Variants in KIR3DL1 observed in about 807,000 individuals in gnomAD.
KIR3DL1 encodes killer cell immunoglobulin like receptor, three Ig domains and long cytoplasmic tail 1, also known as killer cell immunoglobulin-like receptor 3DL1.
Under a neutral mutation model 40.3 loss-of-function variants are expected in KIR3DL1, and 50 were observed. The ratio of observed to expected loss-of-function variants is 1.24; its 90% CI spans 0.99 to 1.57. The LOEUF is 1.57. Ranked by LOEUF, KIR3DL1 falls within the 40% of genes most tolerant of loss-of-function variation. The pLI, the probability that KIR3DL1 is intolerant of heterozygous loss-of-function variation, is 0.00. For missense variants in KIR3DL1, 661 were observed against 559.9 expected (o/e 1.18, Z -1.82); for synonymous variants, 257 against 207.2 (o/e 1.24, Z -2.07).
At chr19:54,828,617 G>A (rs1358570724) in intron 6 of KIR3DL1, among the ~76,000 whole-genome samples, 1 of 150,630 alleles carries the variant, frequency 6.6e-6, no homozygotes, top group Non-Finnish European at 1.5e-5. Context: ...GTACCCTGGA[G>A]CCACAGGAAG....
rs946039220 is a variant in KIR3DL1, at chr19:54,822,259, T to C, written c.949+401T>C. On this transcript the variant is annotated intron_variant, in intron 5 of 8. Coordinates refer to ENST00000391728, the Ensembl canonical transcript of KIR3DL1. ...CCTTTTCTTTTCATTTTCAAAAATA[T>C]TTATTGAGGTTAAATGTAACTATAT... is the stretch of plus-strand genomic sequence containing the variant. 2.4e-4 allele frequency among the ~76,000 whole-genome samples: 36 copies of C among 151,346 alleles called. 1 individual carries two copies. The highest frequency in any genetic ancestry group is 7.6e-4 in the African/African-American group (31 of 41,008).
Position 54,821,821 on chromosome 19 carries a change from G to A in KIR3DL1, c.912G>A (p.Trp304Ter). The change falls in exon 5 of 9, where the codon TGG (tryptophan) becomes TGA (stop). Residue 304 changes from tryptophan (W) to a stop codon, truncating the protein, a stop_gained. Transcript: ENST00000391728. LOFTEE classifies it high-confidence loss of function. ...CTTTCCGTCACTCTCCCTACGAGTG[G>A]TCAGACCCGAGTGACCCACTGCTTG... 1 of 1,603,404 alleles carries A rather than the reference G, an allele frequency of 6.2e-7. No individual in the cohort carries two copies. Among genetic ancestry groups the A allele is most frequent in the Non-Finnish European group, 8.5e-7 (1 of 1,173,762 alleles).
intron 5 of KIR3DL1, among the ~76,000 whole-genome samples, chr19:54,824,556 A>G (rs1239315785): frequency 6.6e-6 from 1 of 151,322 alleles, no homozygotes; most frequent in African/African-American, 2.4e-5. Context: ...CAGTGCCTGT[A>G]ATACCACTAC....
chr19:54,818,378 T>A, exon 3 of KIR3DL1: 1 of 1,606,950 alleles, frequency 6.2e-7, no homozygotes, highest in Non-Finnish European at 8.5e-7. Flanking sequence ...GGAGGACACG[T>A]GACTCTTCGG....
At chr19:54,826,415 A>G (rs1214943489) in intron 6 of KIR3DL1, among the ~76,000 whole-genome samples, 13 of 148,192 alleles carry the variant, frequency 8.8e-5, no homozygotes, top group African/African-American at 2.8e-4. Context: ...CCTGGATCCA[A>G]GTGATTCTCC....
rs1353759071 is a variant in KIR3DL1 at position 54,816,540 on chromosome 19, T to A, written c.34+6T>A. On this transcript the variant is annotated splice_donor_region_variant and intron_variant, in intron 1 of 8. Transcript: ENST00000391728. ...CGTCAGCATGGCGTGTGTTGGTGAG[T>A]CCTGGAAGGGAATCGAGGGAGGGAG... The A allele has an allele frequency of 1.9e-6, 3 of 1,608,014 alleles. No homozygotes were observed. The highest frequency in any genetic ancestry group is 2.8e-5 in the African/African-American group (2 of 72,266).
rs1411083323 is a variant in KIR3DL1, at chr19:54,829,331, G to A, written c.1001-30G>A. ...TCATATAGAGAAACTGCTATGATTA[G>A]CTTCTTACTGGTGTCTCCTCTTCTT... On this transcript the variant is annotated intron_variant, in intron 6 of 8. Coordinates refer to ENST00000391728, the Ensembl canonical transcript of KIR3DL1. 3.6e-6 allele frequency: 5 copies of A among 1,405,032 alleles called. No homozygotes were observed. In the African/African-American group the frequency reaches 7.1e-5, roughly 20 times the overall value. 87.0% of individuals were successfully genotyped at this position (1,405,032 alleles called of 1,614,324 possible).
In KIR3DL1 at chr19:54,820,019, G is replaced by A. The variant is rs1420153258; in HGVS notation, c.655+7G>A. 1 of 1,608,210 alleles carries A rather than the reference G, an allele frequency of 6.2e-7. No individual in the cohort carries two copies. Among genetic ancestry groups the A allele is most frequent in the East Asian group, 2.2e-5 (1 of 44,606 alleles). The stretch of plus-strand genomic sequence containing the variant: ...CTGGACATCGTGGTCACAGGTGAGA[G>A]TGTCTAGACATTGTTCTCATTGTCA... On this transcript the variant is annotated splice_region_variant and intron_variant, in intron 4 of 8. Transcript: ENST00000391728.
chr19:54,823,045 C>CT (rs2061716797), intron 5 of KIR3DL1, among the ~76,000 whole-genome samples: 2 of 97,976 alleles, frequency 2.0e-5, no homozygotes, highest in Non-Finnish European at 4.7e-5. Context: ...TTTTTTTTTT[C>CT]TTTTTTGAGA....
intron 5 of KIR3DL1, among the ~76,000 whole-genome samples, chr19:54,824,182 T>C (rs1266992821): frequency 6.6e-6 from 1 of 151,658 alleles, no homozygotes; most frequent in Non-Finnish European, 1.5e-5. Context: ...GACAAATGTC[T>C]TCCCCATTAT....
At chr19:54,830,116 C>A (rs773909194) in exon 9 of KIR3DL1, 1 of 1,524,246 alleles carries the variant, frequency 6.6e-7, no homozygotes, top group South Asian at 1.3e-5. Context: ...ATGAACAAGA[C>A]CCTGAGGAGG....
At chr19:54,816,957 G>C (rs2061374376) in intron 1 of KIR3DL1, among the ~76,000 whole-genome samples, 1 of 140,846 alleles carries the variant, frequency 7.1e-6, no homozygotes, top group Non-Finnish European at 1.5e-5. Context: ...TATGGGCCTG[G>C]AGTGGAGATA....
chr19:54,818,914 T>A (rs557664242), intron 3 of KIR3DL1, among the ~76,000 whole-genome samples: 6 of 150,284 alleles, frequency 4.0e-5, no homozygotes, highest in African/African-American at 1.5e-4. Context: ...CTCAGTGTAA[T>A]CACAAGGGTC....
At chr19:54,816,950 G>A (rs1256360788) in intron 1 of KIR3DL1, among the ~76,000 whole-genome samples, 1 of 146,484 alleles carries the variant, frequency 6.8e-6, no homozygotes, top group African/African-American at 2.6e-5. Flanking sequence ...GTGGAGATAT[G>A]GGCCTGGAGT....
chr19:54,817,667 G>C, intron 2 of KIR3DL1, 98 bp downstream of exon 2: 1 of 968,452 alleles, frequency 1.0e-6, no homozygotes, highest in Non-Finnish European at 1.5e-6. Context: ...TCATACACTA[G>C]GAAGAGGGGA....
At chr19:54,819,855 C>A in exon 4 of KIR3DL1, 2 of 1,612,204 alleles carry the variant, frequency 1.2e-6, no homozygotes, top group Non-Finnish European at 1.7e-6. Flanking sequence ...ACCCCTCACG[C>A]CTCGTTGGAC....
At chr19:54,818,533 G>T (rs1476477933) in exon 3 of KIR3DL1, 3 of 1,611,432 alleles carry the variant, frequency 1.9e-6, no homozygotes, top group Non-Finnish European at 2.5e-6. Flanking sequence ...CACATGTCGG[G>T]GTTCACACCC....
chr19:54,817,524 T>A lies in KIR3DL1; in HGVS notation c.35-10T>A. On this transcript the variant is annotated splice_polypyrimidine_tract_variant and intron_variant, in intron 1 of 8. Transcript: ENST00000391728. The stretch of plus-strand genomic sequence containing the variant: ...GCAGAGGGATGGTCCATCATGATCT[T>A]TCTTTCTAGGGTTGTTCTTGGTCCA... The A allele has an allele frequency of 1.3e-6, 2 of 1,507,236 alleles. No individual in the cohort carries two copies. Among genetic ancestry groups the A allele is most frequent in the Admixed American group, 3.5e-5 (2 of 57,546 alleles). The allele number at this position is 1,507,236 out of a possible 1,614,324, so 93.4% of individuals were successfully genotyped here.
chr19:54,822,372 C>G lies in KIR3DL1; in HGVS notation c.949+514C>G, dbSNP rs149379952. 4.0e-3 allele frequency among the ~76,000 whole-genome samples: 611 copies of G among 151,358 alleles called. 28 individuals carry two copies. Among genetic ancestry groups the G allele is most frequent in the African/African-American group, 0.014 (568 of 41,006 alleles). ...GGGTGTGGTGGTTCACGGTTGTAAT[C>G]TCGGCGCTTTGAGAGGCCAAGGAAG... is the stretch of plus-strand genomic sequence containing the variant. On this transcript the variant is annotated intron_variant, in intron 5 of 8. Transcript: ENST00000391728.
Sources: gnomAD v4.1 joint callset for allele counts (sites outside exome capture counted in the v4.1 genomes callset) on GRCh38, gnomAD v4.1.1 for gene constraint, MANE v1.5 for transcripts, NCBI Gene and HGNC (gene_info 2026-07-23, HGNC 2026-07-21) for gene names.